Variants in DCAF17 observed in about 807,000 individuals in gnomAD.
The protein encoded by DCAF17 is DDB1 and CUL4 associated factor 17, also known as DDB1- and CUL4-associated factor 17.
DCAF17 carries 48 observed loss-of-function variants against 66.0 expected under a neutral mutation model. The observed-to-expected ratio is 0.73, with a 90% confidence interval of 0.58 to 0.92. The LOEUF is 0.92. Ranked by LOEUF, DCAF17 falls within the 40% of genes least tolerant of loss-of-function variation. DCAF17 has a pLI of 0.00. For missense variants in DCAF17, 562 were observed against 622.8 expected (o/e 0.90, Z 1.04); for synonymous variants, 206 against 214.6 (o/e 0.96, Z 0.35).
Position 171,448,938 on chromosome 2 carries a change from A to G in DCAF17, c.458+121A>G, listed in dbSNP as rs1694795203. On this transcript the variant is annotated intron_variant, in intron 4 of 13. Transcript: ENST00000375255. ...AATCCATTACCAGATCTCAATTAAT[A>G]AACCTATTTTCTTTTTCTCCCCTCA... 7 of 875,852 alleles carry G rather than the reference A, an allele frequency of 8.0e-6. No homozygotes were observed. In the South Asian group the frequency reaches 1.1e-4, roughly 14 times the overall value. 54.3% of individuals were successfully genotyped at this position (875,852 alleles called of 1,614,324 possible).
chr2:171,444,805 A>C (rs1694520960), intron 3 of DCAF17, among the ~76,000 whole-genome samples: 1 of 152,132 alleles, frequency 6.6e-6, no homozygotes, highest in African/African-American at 2.4e-5. Flanking sequence ...GCTGTACGCT[A>C]AATTTATTGT....
At chr2:171,471,294 G>A (rs914799656) in intron 9 of DCAF17, among the ~76,000 whole-genome samples, 1 of 152,112 alleles carries the variant, frequency 6.6e-6, no homozygotes, top group Non-Finnish European at 1.5e-5. Context: ...AAAAATGTAA[G>A]CAGCCGAACT....
At chr2:171,438,139 T>A (rs1307988498) in intron 2 of DCAF17, among the ~76,000 whole-genome samples, 1 of 152,244 alleles carries the variant, frequency 6.6e-6, no homozygotes, top group Non-Finnish European at 1.5e-5. Context: ...ATGTGTGTTG[T>A]TCACTCTCCA....
intron 4 of DCAF17, among the ~76,000 whole-genome samples, chr2:171,449,117 T>G (rs1694805975): frequency 6.6e-6 from 1 of 152,152 alleles, no homozygotes; most frequent in Non-Finnish European, 1.5e-5. Flanking sequence ...CAAGCGATTC[T>G]CCTGACTCAG....
intron 3 of DCAF17, 82 bp from the exon 4 acceptor site, chr2:171,448,599 A>G (rs1250630514): frequency 8.0e-7 from 1 of 1,247,520 alleles, no homozygotes; most frequent in Non-Finnish European, 1.1e-6. Context: ...TTGAATATTT[A>G]GCTATTTTCT....
intron 2 of DCAF17, among the ~76,000 whole-genome samples, chr2:171,438,939 G>A (rs887273607): frequency 1.1e-4 from 11 of 101,712 alleles, no homozygotes; most frequent in African/African-American, 3.7e-4. Context: ...GTGCTGTGTT[G>A]CCCAAGCTGA....
At position 171,468,826 on chromosome 2, in the gene DCAF17, A is replaced by T. The variant is rs1574387806; in HGVS notation, c.839-62A>T. ...ATGCAAAGAAAGGTTGAATTCAGTTAATGAATAGTCCAGAGCCCCCAGAAC... is the reference window on the plus strand; with the variant it reads ...ATGCAAAGAAAGGTTGAATTCAGTTTATGAATAGTCCAGAGCCCCCAGAAC... On this transcript the variant is annotated intron_variant, in intron 8 of 13. Transcript: ENST00000375255. 3 of 1,606,504 alleles carry T rather than the reference A, an allele frequency of 1.9e-6. No individual in the cohort carries two copies. The East Asian group carries it at 6.7e-5, about 36-fold the overall frequency.
At chr2:171,466,166 A>G (rs1423044840) in intron 8 of DCAF17, among the ~76,000 whole-genome samples, 3 of 152,084 alleles carry the variant, frequency 2.0e-5, no homozygotes, top group Non-Finnish European at 4.4e-5. Context: ...ACCTGGGCAA[A>G]TTTTCTAAGT....
At chr2:171,440,721 G>A (rs940501517) in intron 2 of DCAF17, among the ~76,000 whole-genome samples, 15 of 152,140 alleles carry the variant, frequency 9.9e-5, no homozygotes, top group Admixed American at 7.2e-4. Flanking sequence ...TTCCTCTAGT[G>A]TGCTTATTTT....
chr2:171,481,342 T>G lies in DCAF17; in HGVS notation c.*228T>G. On this transcript the variant is annotated 3_prime_UTR_variant, in exon 14 of 14. Transcript: ENST00000375255. ...ATACTGTTCCAAGAAGTTTAGTGTT[T>G]TGCAGCTTTGAGCTAGGTGGTAATG... The G allele has an allele frequency of 1.6e-6, 1 of 614,008 alleles. No individual in the cohort carries two copies. The highest frequency in any genetic ancestry group is 1.5e-5 in the South Asian group (1 of 66,052). The allele number at this position is 614,008 out of a possible 1,614,324, so 38.0% of individuals were successfully genotyped here. A position where few individuals can be genotyped will look rare whatever the true frequency, so the allele number is the denominator to read the frequency against.
At chr2:171,452,613 C>T (rs921264552) in intron 5 of DCAF17, among the ~76,000 whole-genome samples, 5 of 152,102 alleles carry the variant, frequency 3.3e-5, no homozygotes, top group African/African-American at 4.8e-5. Flanking sequence ...GCCACCATGT[C>T]CAGCTAATTT....
intron 3 of DCAF17, among the ~76,000 whole-genome samples, chr2:171,446,214 T>C (rs1021510497): frequency 6.6e-6 from 1 of 152,200 alleles, no homozygotes; most frequent in Non-Finnish European, 1.5e-5. Flanking sequence ...AAGGAATTAA[T>C]TTTAGCAAAA....
At chr2:171,480,708 G>A (rs1696703872) in intron 13 of DCAF17, among the ~76,000 whole-genome samples, 2 of 152,188 alleles carry the variant, frequency 1.3e-5, no homozygotes, top group South Asian at 4.1e-4. Flanking sequence ...CACACAGTGA[G>A]ATAGATAATA....
At chr2:171,477,014 G>A in intron 11 of DCAF17, 64 bp downstream of exon 11, 1 of 1,244,242 alleles carries the variant, frequency 8.0e-7, no homozygotes, top group South Asian at 1.2e-5. Context: ...ACTATAATAT[G>A]CTAATATATT....
intron 10 of DCAF17, among the ~76,000 whole-genome samples, chr2:171,476,133 G>A (rs1696487641): frequency 6.7e-6 from 1 of 150,078 alleles, no homozygotes; most frequent in Non-Finnish European, 1.5e-5. Flanking sequence ...ACACATAGCT[G>A]CTTCTCTCTG....
At chr2:171,469,961 A>G (rs192056873) in intron 9 of DCAF17, among the ~76,000 whole-genome samples, 1 of 152,178 alleles carries the variant, frequency 6.6e-6, no homozygotes, top group Admixed American at 6.5e-5. Flanking sequence ...AAATCACTCA[A>G]GCTTTAATTG....
intron 2 of DCAF17, among the ~76,000 whole-genome samples, chr2:171,440,617 A>G (rs1007072532): frequency 7.9e-5 from 12 of 152,202 alleles, no homozygotes; most frequent in Admixed American, 6.5e-5. Context: ...AAAAAGAATT[A>G]AATAGGCCTT....
chr2:171,442,479 G>T (rs899749807), intron 2 of DCAF17, among the ~76,000 whole-genome samples: 4 of 148,208 alleles, frequency 2.7e-5, no homozygotes, highest in African/African-American at 7.5e-5. Flanking sequence ...CAGGAGAATC[G>T]CTTGAACCTG....
At chr2:171,475,018 CT>C (rs531077606) in intron 10 of DCAF17, among the ~76,000 whole-genome samples, 26 of 152,294 alleles carry the variant, frequency 1.7e-4, no homozygotes, top group African/African-American at 6.3e-4. Flanking sequence ...ATGCTTTAAC[CT>C]TTTAATGGCT....
Sources: allele counts gnomAD v4.1 joint callset (sites outside exome capture counted in the v4.1 genomes callset), GRCh38; gene constraint gnomAD v4.1.1; transcripts MANE v1.5; gene names NCBI Gene and HGNC (gene_info 2026-07-23, HGNC 2026-07-21).